DMD: variants seen among roughly 807,000 people sequenced by gnomAD.
DMD encodes the protein mutant dystrophin.
A neutral mutation model predicts 330.1 loss-of-function variants in DMD; 63 were observed. The ratio of observed to expected loss-of-function variants is 0.19; its 90% CI spans 0.16 to 0.24. The LOEUF is 0.24. Among genes scored for constraint, DMD ranks in the 10% least tolerant of loss-of-function variants. The probability of loss-of-function intolerance (pLI) is 1.00; values close to 1 mark genes in which losing one functional copy is unlikely to be tolerated. For missense variants in DMD, 3,344 were observed against 2,684.1 expected (o/e 1.25, Z -5.43); for synonymous variants, 1,223 against 959.8 (o/e 1.27, Z -5.07).
At chrX:31,850,716 A>AAAGCTGCAGCTG (rs2093508594) in intron 48 of DMD, among the ~76,000 whole-genome samples, 2 of 112,823 alleles carry the variant, frequency 1.8e-5, no homozygotes, top group Admixed American at 1.9e-4. Context: ...AGTGTGGAGT[A>AAAGCTGCAGCTG]AAGCTGCAGC....
intron 60 of DMD, among the ~76,000 whole-genome samples, chrX:31,440,295 C>T (rs878860830): frequency 5.5e-5 from 6 of 109,389 alleles, no homozygotes; most frequent in Non-Finnish European, 9.5e-5. Flanking sequence ...TACAAGCGTG[C>T]GCCACCACAC....
chrX:32,836,665 C>T (rs1162415178), intron 4 of DMD, among the ~76,000 whole-genome samples: 1 of 111,406 alleles, frequency 9.0e-6, no homozygotes, highest in Non-Finnish European at 1.9e-5. Context: ...TCAGTACAGC[C>T]TGAGCCATTT....
chrX:32,197,462 G>C (rs762268306), intron 44 of DMD, among the ~76,000 whole-genome samples: 118 of 111,886 alleles, frequency 1.1e-3, no homozygotes, highest in Non-Finnish European at 2.1e-3. Context: ...GTTTTCATGA[G>C]CTTTGGGATT....
At chrX:31,677,967 A>T (rs1200772568) in intron 53 of DMD, among the ~76,000 whole-genome samples, 1 of 112,195 alleles carries the variant, frequency 8.9e-6, no homozygotes, top group Non-Finnish European at 1.9e-5. Flanking sequence ...GACTGACCAC[A>T]TTCTGTCTTC....
At chrX:32,347,181 T>G (rs1039363931) in intron 38 of DMD, among the ~76,000 whole-genome samples, 1 of 111,822 alleles carries the variant, frequency 8.9e-6, no homozygotes, top group Non-Finnish European at 1.9e-5. Flanking sequence ...AGACACATTA[T>G]ATACTTATCA....
intron 37 of DMD, among the ~76,000 whole-genome samples, chrX:32,354,217 C>A (rs1040560374): frequency 1.8e-5 from 2 of 111,780 alleles, no homozygotes; most frequent in Non-Finnish European, 3.8e-5. Context: ...ATATTCAAAT[C>A]ACACTAAAAC....
intron 1 of DMD, among the ~76,000 whole-genome samples, chrX:33,038,656 G>C (rs949882534): frequency 3.6e-5 from 4 of 111,867 alleles, no homozygotes; most frequent in African/African-American, 1.3e-4. Flanking sequence ...TTATGTGACA[G>C]TAGATATGTG....
intron 7 of DMD, among the ~76,000 whole-genome samples, chrX:32,702,453 TTG>T (rs1220872241): frequency 9.9e-5 from 11 of 111,231 alleles, no homozygotes; most frequent in African/African-American, 3.6e-4. Flanking sequence ...AACAGTGGCT[TTG>T]TGTGTCTTAG....
intron 2 of DMD, among the ~76,000 whole-genome samples, chrX:32,941,005 C>T (rs1602088522): frequency 9.0e-6 from 1 of 111,582 alleles, no homozygotes; most frequent in Non-Finnish European, 1.9e-5. Context: ...GAACAGACAC[C>T]TCTCAAAAGA....
intron 2 of DMD, among the ~76,000 whole-genome samples, chrX:32,992,699 G>C (rs964527803): frequency 1.8e-5 from 2 of 110,431 alleles, no homozygotes; most frequent in Non-Finnish European, 3.8e-5. Flanking sequence ...CTGAGGTCAT[G>C]AGTTCAAGAC....
intron 76 of DMD, among the ~76,000 whole-genome samples, chrX:31,136,673 A>C (rs1450957349): frequency 8.9e-6 from 1 of 112,615 alleles, no homozygotes; most frequent in East Asian, 2.8e-4. Flanking sequence ...GTACTGTGTT[A>C]AAATTCAGGT....
At chrX:32,409,674 A>G (rs1279513004) in intron 30 of DMD, among the ~76,000 whole-genome samples, 1 of 112,057 alleles carries the variant, frequency 8.9e-6, no homozygotes, top group Non-Finnish European at 1.9e-5. Flanking sequence ...TGCATTTTGA[A>G]GTACAAACTT....
At position 32,841,945 on chromosome X, in the gene DMD, A is replaced by T. The variant is rs777504056; in HGVS notation, c.264+2838T>A. Among the ~76,000 whole-genome samples, 134 of 112,507 alleles carry T rather than the reference A, an allele frequency of 1.2e-3. 2 individuals are homozygous for T. Among genetic ancestry groups the T allele is most frequent in the Admixed American group, 2.5e-3 (26 of 10,605 alleles). ...TTGCAACTCAAAACAAAGGGCTCAT[A>T]TCCAGAATATAGCAATAACTCAATT... is the stretch of plus-strand genomic sequence containing the variant. On this transcript the variant is annotated intron_variant, in intron 4 of 78. Transcript: ENST00000357033.
intron 44 of DMD, among the ~76,000 whole-genome samples, chrX:32,175,133 A>T (rs1484553772): frequency 9.0e-6 from 1 of 111,520 alleles, no homozygotes. Flanking sequence ...GTTTTGATTC[A>T]TATATGCTCG....
At chrX:32,071,480 G>A (rs1479550779) in intron 44 of DMD, among the ~76,000 whole-genome samples, 9 of 95,239 alleles carry the variant, frequency 9.4e-5, no homozygotes, top group Non-Finnish European at 8.4e-5. Context: ...GACACAGGAA[G>A]GGGAACATCA....
At position 32,401,364 on chromosome X, in the gene DMD, A is replaced by G. The variant is rs1013405460; in HGVS notation, c.4233+10388T>C. ...AAAAGAAAATATGGTACCTATACAC[A>G]ATACAGTACTATTCAGCCATAAAAA... On this transcript the variant is annotated intron_variant, in intron 30 of 78. Transcript: ENST00000357033. Among the ~76,000 whole-genome samples the G allele has an allele frequency of 5.4e-5, 6 of 112,060 alleles. No individual in the cohort carries two copies. In the South Asian group the frequency reaches 1.8e-3, roughly 34 times the overall value.
chrX:32,275,380 A>G (rs753968654), intron 43 of DMD, among the ~76,000 whole-genome samples: 2 of 111,814 alleles, frequency 1.8e-5, no homozygotes, highest in Admixed American at 9.5e-5. Context: ...CATTATTATC[A>G]TCAAGTCGTA....
rs1240763537 is a variant in DMD at position 31,454,852 on chromosome X, A to G, written c.8938-10225T>C. 2.7e-5 allele frequency among the ~76,000 whole-genome samples: 3 copies of G among 110,901 alleles called. No individual in the cohort carries two copies. The Admixed American group carries it at 2.9e-4, about 11-fold the overall frequency. On this transcript the variant is annotated intron_variant, in intron 59 of 78. Coordinates refer to ENST00000357033, the MANE Select transcript of DMD (RefSeq NM_004006.3). ...ACTGCAGCCTCAAACTCCTGGGCTC[A>G]AGCGATCCTCCTGCTTCAGCCTCCC...
chrX:32,737,917 T>TA (rs1215648553), intron 7 of DMD, among the ~76,000 whole-genome samples: 1 of 111,568 alleles, frequency 9.0e-6, no homozygotes, highest in African/African-American at 3.3e-5. Context: ...GACAAAAAAA[T>TA]AAAAAAGAAA....
Sources: allele counts gnomAD v4.1 joint callset (sites outside exome capture counted in the v4.1 genomes callset), GRCh38; gene constraint gnomAD v4.1.1; transcripts MANE v1.5; gene names NCBI Gene and HGNC (gene_info 2026-07-23, HGNC 2026-07-21).